Variants in PTPRT observed in about 807,000 individuals in gnomAD.
PTPRT encodes receptor-type tyrosine-protein phosphatase T.
PTPRT carries 56 observed loss-of-function variants against 176.8 expected under a neutral mutation model. The observed-to-expected ratio is 0.32, with a 90% CI of 0.26 to 0.40. The LOEUF (loss-of-function observed/expected upper bound fraction) is 0.40. Among genes scored for constraint, PTPRT ranks in the 10% least tolerant of loss-of-function variants. The pLI is 1.00. For synonymous variants in PTPRT, 783 were observed against 739.0 expected (o/e 1.06, Z -0.96); for missense variants, 1,540 against 1,908.2 (o/e 0.81, Z 3.60).
chr20:42,879,777 G>T (rs139955350), intron 2 of PTPRT, among the ~76,000 whole-genome samples: 56 of 152,168 alleles, frequency 3.7e-4, no homozygotes, highest in African/African-American at 1.3e-3. Context: ...GTGTGTGCAT[G>T]TGCATGTGTG....
intron 2 of PTPRT, among the ~76,000 whole-genome samples, chr20:42,868,730 G>A (rs1357852766): frequency 6.6e-6 from 1 of 152,138 alleles, no homozygotes; most frequent in Non-Finnish European, 1.5e-5. Context: ...TCAAGACAAT[G>A]AAAGAATGAC....
At chr20:42,035,298 T>C in the PTPRT span, among the ~76,000 whole-genome samples, 2 of 152,018 alleles carry the variant, frequency 1.3e-5, no homozygotes, top group African/African-American at 4.8e-5. Flanking sequence ...AGAACTGAGG[T>C]CTATAAAGAC....
At chr20:42,066,121 C>T in the PTPRT span, among the ~76,000 whole-genome samples, 1 of 146,460 alleles carries the variant, frequency 6.8e-6, no homozygotes, top group South Asian at 2.2e-4. Flanking sequence ...CTCACTGTAA[C>T]CTCTGCCTCC....
chr20:43,055,232 ACTACT>A (rs1987190539), intron 1 of PTPRT, among the ~76,000 whole-genome samples: 1 of 152,212 alleles, frequency 6.6e-6, no homozygotes, highest in Non-Finnish European at 1.5e-5. Context: ...TCATTGCTGA[ACTACT>A]CTGGTCCCCA....
At chr20:42,597,069 G>A (rs1395736858) in intron 7 of PTPRT, among the ~76,000 whole-genome samples, 1 of 152,204 alleles carries the variant, frequency 6.6e-6, no homozygotes, top group Non-Finnish European at 1.5e-5. Context: ...AGCTGCAATG[G>A]AGGTGTCAGC....
chr20:42,691,731 C>T (rs2075797102), intron 6 of PTPRT, among the ~76,000 whole-genome samples: 1 of 152,140 alleles, frequency 6.6e-6, no homozygotes, highest in Non-Finnish European at 1.5e-5. Flanking sequence ...GACTTCGAAA[C>T]AACACAATTC....
chr20:42,581,006 A>C (rs2073361204), intron 7 of PTPRT, among the ~76,000 whole-genome samples: 1 of 152,120 alleles, frequency 6.6e-6, no homozygotes, highest in South Asian at 2.1e-4. Context: ...TCTTGTCTCC[A>C]GGTACATTCC....
At chr20:42,649,135 T>C (rs2074980955) in intron 7 of PTPRT, among the ~76,000 whole-genome samples, 3 of 152,060 alleles carry the variant, frequency 2.0e-5, no homozygotes, top group African/African-American at 4.8e-5. Context: ...AGAGGTTTAA[T>C]GGACTCACAG....
At chr20:42,536,320 T>C (rs6072776) in intron 7 of PTPRT, among the ~76,000 whole-genome samples, 39,534 of 152,122 alleles carry the variant, frequency 0.26, 6,501 homozygotes, top group African/African-American at 0.47. Context: ...CTTCTGATTT[T>C]ATAGAAGTCA....
intron 7 of PTPRT, among the ~76,000 whole-genome samples, chr20:42,545,413 G>A (rs545407611): frequency 1.3e-5 from 2 of 152,196 alleles, no homozygotes; most frequent in South Asian, 4.2e-4. Flanking sequence ...CCACACAAAC[G>A]GCCATTTGCC....
At chr20:42,091,618 G>T (rs1486905539) in intron 27 of PTPRT, among the ~76,000 whole-genome samples, 1 of 152,234 alleles carries the variant, frequency 6.6e-6, no homozygotes, top group Non-Finnish European at 1.5e-5. Context: ...ATTTTAAAGA[G>T]AGAAATGTAA....
chr20:42,352,941 T>TAA (rs981388504), intron 9 of PTPRT, among the ~76,000 whole-genome samples: 2 of 148,234 alleles, frequency 1.3e-5, no homozygotes, highest in Non-Finnish European at 3.0e-5. Context: ...TGAAAAGAAG[T>TAA]AAAAAAAAAA....
At chr20:42,309,495 T>C (rs770981886) in intron 12 of PTPRT, among the ~76,000 whole-genome samples, 1 of 152,030 alleles carries the variant, frequency 6.6e-6, no homozygotes, top group African/African-American at 2.4e-5. Context: ...AGAAAAAAGG[T>C]CCTTTAGGAC....
intron 6 of PTPRT, among the ~76,000 whole-genome samples, chr20:42,696,631 A>AT (rs1194331006): frequency 6.6e-6 from 1 of 151,502 alleles, no homozygotes; most frequent in Non-Finnish European, 1.5e-5. Context: ...AATTTTTTGT[A>AT]TTTTTTGTAG....
intron 7 of PTPRT, among the ~76,000 whole-genome samples, chr20:42,601,416 C>T (rs571631409): frequency 2.6e-5 from 4 of 152,288 alleles, no homozygotes; most frequent in African/African-American, 7.2e-5. Context: ...GCACATGTCA[C>T]GATTATCTGG....
chr20:43,119,764 A>G (rs1328842571), intron 1 of PTPRT, among the ~76,000 whole-genome samples: 1 of 152,216 alleles, frequency 6.6e-6, no homozygotes, highest in Non-Finnish European at 1.5e-5. Context: ...TGTTTAATAA[A>G]TTCTGTGTGG....
rs187650882 is a variant in PTPRT at position 43,114,716 on chromosome 20, G to A, written c.88+74930C>T. On this transcript the variant is annotated intron_variant, in intron 1 of 30. Transcript: ENST00000373187. ...TGCTTTTTTGAGAAAACATAGATAT[G>A]GTGCTAAATTAAATGGCTTACGTTC... is the stretch of plus-strand genomic sequence containing the variant. Among the ~76,000 whole-genome samples, 10 of 152,010 alleles carry A rather than the reference G, an allele frequency of 6.6e-5. No individual in the cohort carries two copies. In the East Asian group the frequency reaches 1.4e-3, roughly 21 times the overall value.
intron 12 of PTPRT, among the ~76,000 whole-genome samples, chr20:42,314,666 ATT>A (rs2057689905): frequency 6.6e-6 from 1 of 152,216 alleles, no homozygotes; most frequent in African/African-American, 2.4e-5. Flanking sequence ...TTATGGGCAC[ATT>A]TATATAGAGA....
chr20:42,757,474 C>A (rs1385394863), intron 5 of PTPRT, among the ~76,000 whole-genome samples: 1 of 152,196 alleles, frequency 6.6e-6, no homozygotes, highest in African/African-American at 2.4e-5. Context: ...TCTTCCTTGG[C>A]ACATGCTCTT....
Sources: allele counts gnomAD v4.1 joint callset (sites outside exome capture counted in the v4.1 genomes callset), GRCh38; gene constraint gnomAD v4.1.1; transcripts MANE v1.5; gene names NCBI Gene and HGNC (gene_info 2026-07-23, HGNC 2026-07-21).